The following DDX55 variants were observed in gnomAD, a reference collection of about 807,000 sequenced individuals.
The protein encoded by DDX55 is DEAD-box helicase 55, also known as ATP-dependent RNA helicase DDX55.
A neutral mutation model predicts 69.2 loss-of-function variants in DDX55; 56 were observed. The observed-to-expected ratio is 0.81, with a 90% CI of 0.65 to 1.01. The LOEUF (loss-of-function observed/expected upper bound fraction) is 1.01. Among genes scored for constraint, DDX55 ranks in the 50% least tolerant of loss-of-function variants. The pLI is 0.00. For missense variants in DDX55, 720 were observed against 745.1 expected (o/e 0.97, Z 0.39); for synonymous variants, 268 against 273.1 (o/e 0.98, Z 0.18).
chr12:123,617,946 G>A, intron 11 of DDX55, 74 bp downstream of exon 11: 1 of 1,457,338 alleles, frequency 6.9e-7, no homozygotes. Flanking sequence ...CATGTGGTCA[G>A]CAATTGAAAT....
chr12:123,615,378 T>G, intron 9 of DDX55, 62 bp downstream of exon 9: 1 of 1,591,680 alleles, frequency 6.3e-7, no homozygotes, highest in Non-Finnish European at 8.6e-7. Context: ...GGTCCCCAAA[T>G]GCCCCATTCT....
Position 123,620,215 on chromosome 12 carries a change from C to T in DDX55, c.*75C>T, listed in dbSNP as rs1057392236. ...GTGGATGGCTCCAGTTTGCTTTTAACGAAAATCACAACTTCAGGAGACATC... is the reference window on the plus strand; with the variant it reads ...GTGGATGGCTCCAGTTTGCTTTTAATGAAAATCACAACTTCAGGAGACATC... On this transcript the variant is annotated 3_prime_UTR_variant, in exon 14 of 14. Transcript: ENST00000238146. The T allele has an allele frequency of 7.6e-6, 11 of 1,444,336 alleles. No individual in the cohort carries two copies. Among genetic ancestry groups the T allele is most frequent in the South Asian group, 1.4e-5 (1 of 72,540 alleles). The allele number at this position is 1,444,336 out of a possible 1,614,324, so 89.5% of individuals were successfully genotyped here.
chr12:123,607,963 C>G, intron 5 of DDX55: 1 of 437,208 alleles, frequency 2.3e-6, no homozygotes, highest in Non-Finnish European at 4.2e-6. Flanking sequence ...ATACTCAGCT[C>G]CAGCTGGTAG....
intron 13 of DDX55, 66 bp from the exon 14 acceptor site, chr12:123,619,898 C>G: frequency 7.8e-6 from 12 of 1,548,094 alleles, no homozygotes; most frequent in Non-Finnish European, 1.0e-5. Flanking sequence ...TGAGTTAAAA[C>G]TGCTGGTTTC....
chr12:123,607,494 G>C lies in DDX55; in HGVS notation c.309G>C (p.Ser103=). The C allele has an allele frequency of 6.2e-7, 1 of 1,614,134 alleles. No homozygotes were observed. Among genetic ancestry groups the C allele is most frequent in the Non-Finnish European group, 8.5e-7 (1 of 1,180,020 alleles). The change falls in exon 4 of 14, where the codon TCG becomes TCC. Residue 103 remains serine (S), a synonymous_variant. Coordinates refer to ENST00000238146, the MANE Select transcript of DDX55 (RefSeq NM_020936.3). ...ELAIQIDEVL[S]HFTKHFPEFS... ...CCATTCAAATAGACGAGGTCCTGTC[G>C]CATTTCACGAAGCACTTCCCCGAGT...
chr12:123,614,962 T>C (rs1031459695), intron 8 of DDX55, among the ~76,000 whole-genome samples: 2 of 152,172 alleles, frequency 1.3e-5, no homozygotes, highest in Non-Finnish European at 2.9e-5. Context: ...TTTTAATTCA[T>C]GTTTAAGGGA....
At chr12:123,607,925 G>T in intron 5 of DDX55, 1 of 522,694 alleles carries the variant, frequency 1.9e-6, no homozygotes, top group Non-Finnish European at 3.4e-6. Flanking sequence ...CTGGGGGATG[G>T]TGAGGAACTG....
In DDX55 at chr12:123,619,957, C is replaced by T. The variant is rs1244113954; in HGVS notation, c.1627-7C>T. 6.2e-7 allele frequency: 1 copy of T among 1,610,260 alleles called. No individual in the cohort carries two copies. The highest frequency in any genetic ancestry group is 8.5e-7 in the Non-Finnish European group (1 of 1,178,504). Reference sequence around the variant, plus strand: ...TTTAGTAGTTTATTGGTTTCTTCTGCACTTAGGGTTCTGATATTGAAGATG... The same window carrying T: ...TTTAGTAGTTTATTGGTTTCTTCTGTACTTAGGGTTCTGATATTGAAGATG... On this transcript the variant is annotated splice_polypyrimidine_tract_variant and splice_region_variant and intron_variant, in intron 13 of 13. Transcript: ENST00000238146.
At chr12:123,616,943 C>T in intron 10 of DDX55, 2 of 277,132 alleles carry the variant, frequency 7.2e-6, no homozygotes, top group South Asian at 7.3e-5. Context: ...TCGTTTGAGC[C>T]CAGGAATTCA....
rs755245012 is a variant in DDX55, at chr12:123,619,433, T to A, written c.1335T>A (p.Asp445Glu). The A allele has an allele frequency of 4.3e-6, 7 of 1,611,242 alleles. No homozygotes were observed. The highest frequency in any genetic ancestry group is 5.9e-6 in the Non-Finnish European group (7 of 1,178,948). The change falls in exon 13 of 14, where the codon GAT (aspartate) becomes GAA (glutamate). Residue 445 changes from aspartate (D) to glutamate (E), a missense_variant and splice_region_variant. Coordinates refer to ENST00000238146, the MANE Select transcript of DDX55 (RefSeq NM_020936.3). ...ACTCTGATCTTCTGATTGAATCAGA[T>A]CTTGATTTTGCCAGCCTTGCTCGAG... The part of the protein sequence containing the change: ...HECNLIFRLK[D>E]LDFASLARGF...
chr12:123,620,290 G>T lies in DDX55; in HGVS notation c.*150G>T. 1.3e-6 allele frequency: 1 copy of T among 764,012 alleles called. No homozygotes were observed. 47.3% of individuals were successfully genotyped at this position (764,012 alleles called of 1,614,324 possible). A position where few individuals can be genotyped will look rare whatever the true frequency, so the allele number is the denominator to read the frequency against. The stretch of plus-strand genomic sequence containing the variant: ...CTGTCCTTTCAGATGAGGGAGAAAT[G>T]AAGGATTTCACACTTCAGAATATTT... On this transcript the variant is annotated 3_prime_UTR_variant, in exon 14 of 14. Transcript: ENST00000238146.
chr12:123,602,641 C>T (rs1313331124), intron 1 of DDX55, among the ~76,000 whole-genome samples: 3 of 152,218 alleles, frequency 2.0e-5, no homozygotes, highest in Non-Finnish European at 4.4e-5. Context: ...AGTCGGCACA[C>T]TATGGGAGCT....
intron 8 of DDX55, 58 bp from the exon 9 acceptor site, chr12:123,615,127 C>T (rs1312315040): frequency 1.9e-6 from 3 of 1,606,024 alleles, no homozygotes; most frequent in African/African-American, 2.7e-5. Context: ...GTTCCCCTCT[C>T]CCGGTTGTAG....
intron 1 of DDX55, 181 bp from the exon 2 acceptor site, chr12:123,605,750 G>A (rs560900547): frequency 5.1e-5 from 40 of 786,754 alleles, no homozygotes; most frequent in South Asian, 3.3e-4. Flanking sequence ...CCCACACGCC[G>A]TCCACATAGA....
rs1250251932 is a variant in DDX55 at position 123,620,627 on chromosome 12, T to TATATATATAA, written c.*488_*489insTATATATAAA. On this transcript the variant is annotated 3_prime_UTR_variant, in exon 14 of 14. Coordinates refer to ENST00000238146, the MANE Select transcript of DDX55 (RefSeq NM_020936.3). ...ATATATATATATATATATATATATATAAGCTCTTTTTTCTGAGGCTATTTT... is the reference window on the plus strand; with the variant it reads ...ATATATATATATATATATATATATATATATATATAAAAGCTCTTTTTTCTGAGGCTATTTT... 3.8e-4 allele frequency: 38 copies of TATATATATAA among 99,832 alleles called. No homozygotes were observed. Among genetic ancestry groups the TATATATATAA allele is most frequent in the South Asian group, 9.2e-4 (3 of 3,246 alleles). 6.2% of individuals were successfully genotyped at this position (99,832 alleles called of 1,614,324 possible). A position where few individuals can be genotyped will look rare whatever the true frequency, so the allele number is the denominator to read the frequency against.
At chr12:123,612,589 C>G (rs1423241404) in intron 7 of DDX55, among the ~76,000 whole-genome samples, 1 of 151,978 alleles carries the variant, frequency 6.6e-6, no homozygotes, top group African/African-American at 2.4e-5. Flanking sequence ...TCAGAATTTC[C>G]TGGGGGAACT....
chr12:123,609,378 T>G (rs1287160576), intron 6 of DDX55, among the ~76,000 whole-genome samples: 5 of 150,066 alleles, frequency 3.3e-5, no homozygotes, highest in Non-Finnish European at 4.5e-5. Flanking sequence ...AAGTTTTTTT[T>G]TTTTTTTTTT....
intron 9 of DDX55, among the ~76,000 whole-genome samples, chr12:123,615,651 G>T (rs933884422): frequency 4.6e-5 from 7 of 152,198 alleles, no homozygotes; most frequent in African/African-American, 1.4e-4. Context: ...CTGTCAAGCA[G>T]CAAGGAGCAA....
At position 123,606,170 on chromosome 12, in the gene DDX55, C is replaced by T. The variant is rs1953878878; in HGVS notation, c.246+11C>T. 1 of 1,613,456 alleles carries T rather than the reference C, an allele frequency of 6.2e-7. No homozygotes were observed. Among genetic ancestry groups the T allele is most frequent in the Admixed American group, 1.7e-5 (1 of 59,932 alleles). On this transcript the variant is annotated intron_variant, in intron 3 of 13. Coordinates refer to ENST00000238146, the MANE Select transcript of DDX55 (RefSeq NM_020936.3). ...TTAAAAAAGAGTCAGGTGAGGACAA[C>T]AAAAGTGATTTATTTTCACCTAGTC...
Sources: gnomAD v4.1 joint callset for allele counts (sites outside exome capture counted in the v4.1 genomes callset) on GRCh38, gnomAD v4.1.1 for gene constraint, MANE v1.5 for transcripts, NCBI Gene and HGNC (gene_info 2026-07-23, HGNC 2026-07-21) for gene names.